The following CCDC149 variants were observed in gnomAD, a reference collection of about 807,000 sequenced individuals.
CCDC149 encodes the protein coiled-coil domain containing 149.
In CCDC149, 45 loss-of-function variants were observed where a neutral mutation model predicts 59.9. That is an observed-to-expected ratio of 0.75 (90% confidence interval 0.59 to 0.96). The LOEUF is 0.96. Among genes scored for constraint, CCDC149 ranks in the 40% least tolerant of loss-of-function variants. The probability of loss-of-function intolerance (pLI) is 0.00; values close to 1 mark genes in which losing one functional copy is unlikely to be tolerated. For synonymous variants in CCDC149, 245 were observed against 260.6 expected (o/e 0.94, Z 0.58); for missense variants, 584 against 664.7 (o/e 0.88, Z 1.33).
chr4:24,889,237 C>T (rs571454894), intron 1 of CCDC149, among the ~76,000 whole-genome samples: 15 of 152,308 alleles, frequency 9.8e-5, no homozygotes, highest in African/African-American at 3.6e-4. Context: ...ACTAACTATG[C>T]CCCTGTCCTT....
At chr4:24,885,067 G>A (rs1046822612) in intron 1 of CCDC149, among the ~76,000 whole-genome samples, 4 of 152,196 alleles carry the variant, frequency 2.6e-5, no homozygotes, top group African/African-American at 9.7e-5. Flanking sequence ...TCAGAACAGT[G>A]AGCGACGCCC....
intron 1 of CCDC149, among the ~76,000 whole-genome samples, chr4:24,927,079 G>A (rs984735498): frequency 6.6e-6 from 1 of 152,214 alleles, no homozygotes; most frequent in Non-Finnish European, 1.5e-5. Flanking sequence ...TCCCAAGCTT[G>A]TCTGGATTTG....
intron 1 of CCDC149, among the ~76,000 whole-genome samples, chr4:24,949,509 T>C (rs1332126902): frequency 6.6e-6 from 1 of 152,190 alleles, no homozygotes; most frequent in Non-Finnish European, 1.5e-5. Context: ...TATTTGTTTA[T>C]TCACTCATTC....
intron 1 of CCDC149, among the ~76,000 whole-genome samples, chr4:24,920,653 G>A (rs1321010959): frequency 1.3e-5 from 2 of 152,222 alleles, no homozygotes; most frequent in Non-Finnish European, 2.9e-5. Flanking sequence ...TGTATAGGAA[G>A]GGAAGGATTT....
chr4:24,917,350 C>A (rs558274867), upstream of CCDC149, among the ~76,000 whole-genome samples: 28 of 152,356 alleles, frequency 1.8e-4, no homozygotes, highest in African/African-American at 6.3e-4. Flanking sequence ...TGAACTGCCG[C>A]GCTCACAGTG....
intron 7 of CCDC149, among the ~76,000 whole-genome samples, 154 bp downstream of exon 7, chr4:24,836,282 T>G (rs568803668): frequency 6.6e-6 from 1 of 152,336 alleles, no homozygotes; most frequent in African/African-American, 2.4e-5. Flanking sequence ...GATTTTAATT[T>G]GTACTGGTTA....
chr4:24,976,679 C>T (rs1226152492), intron 1 of CCDC149, among the ~76,000 whole-genome samples: 1 of 152,196 alleles, frequency 6.6e-6, no homozygotes, highest in African/African-American at 2.4e-5. Context: ...TGCCACTGCA[C>T]TCCAGCCATC....
At chr4:24,955,573 G>A (rs999175545) in intron 1 of CCDC149, among the ~76,000 whole-genome samples, 7 of 152,136 alleles carry the variant, frequency 4.6e-5, no homozygotes, top group Non-Finnish European at 8.8e-5. Context: ...CAACATGGAT[G>A]AACCTTGAGA....
rs574514041 is a variant in CCDC149 at position 24,875,331 on chromosome 4, A to G, written c.225+1205T>C. On this transcript the variant is annotated intron_variant, in intron 2 of 12. Transcript: ENST00000635206. ...GGCCACAGAGCGAGAATCCGTCTCAAAAAAAAAAAAAAGACTGAGTTAAAT... is the reference window on the plus strand; with the variant it reads ...GGCCACAGAGCGAGAATCCGTCTCAGAAAAAAAAAAAAGACTGAGTTAAAT... Among the ~76,000 whole-genome samples the G allele has an allele frequency of 8.1e-5, 12 of 147,582 alleles. No homozygotes were observed. The South Asian group carries it at 2.5e-3, about 31-fold the overall frequency.
intron 2 of CCDC149, among the ~76,000 whole-genome samples, chr4:24,876,114 C>T (rs1719403690): frequency 6.6e-6 from 1 of 152,024 alleles, no homozygotes; most frequent in African/African-American, 2.4e-5. Context: ...CACTTAGGAG[C>T]TGGTTTGGCT....
intron 1 of CCDC149, among the ~76,000 whole-genome samples, chr4:24,950,467 C>T (rs1723252145): frequency 6.6e-6 from 1 of 152,162 alleles, no homozygotes; most frequent in Non-Finnish European, 1.5e-5. Flanking sequence ...AGTATGGACC[C>T]CAAATCGAGT....
intron 1 of CCDC149, among the ~76,000 whole-genome samples, chr4:24,905,205 C>T (rs1285553791): frequency 6.6e-6 from 1 of 151,710 alleles, no homozygotes; most frequent in African/African-American, 2.4e-5. Flanking sequence ...GGCCTTTCTT[C>T]TTACTGAGTA....
chr4:24,816,143 A>G (rs1413118830), intron 12 of CCDC149, among the ~76,000 whole-genome samples: 1 of 152,028 alleles, frequency 6.6e-6, no homozygotes, highest in African/African-American at 2.4e-5. Context: ...GCTGGAGTGC[A>G]GTGCCGCGAT....
rs1441783150 is a variant in CCDC149, at chr4:24,831,498, C to T, written c.965+8G>A. The T allele has an allele frequency of 6.2e-7, 1 of 1,613,398 alleles. No individual in the cohort carries two copies. The highest frequency in any genetic ancestry group is 8.5e-7 in the Non-Finnish European group (1 of 1,179,770). ...CCCACCCCCCAACACAAGAGTTTGG[C>T]CACCTACTTGTTGGTTTGCCTCTGG... On this transcript the variant is annotated splice_region_variant and intron_variant, in intron 9 of 12. Coordinates refer to ENST00000635206, the MANE Select transcript of CCDC149 (RefSeq NM_001330643.2).
At chr4:24,951,055 G>T (rs1723272777) in intron 1 of CCDC149, among the ~76,000 whole-genome samples, 2 of 152,236 alleles carry the variant, frequency 1.3e-5, no homozygotes, top group South Asian at 4.1e-4. Flanking sequence ...GGGGAGTGGG[G>T]AAGGGGGCCT....
At chr4:24,844,168 C>T (rs371606344) in intron 4 of CCDC149, among the ~76,000 whole-genome samples, 34 of 152,194 alleles carry the variant, frequency 2.2e-4, no homozygotes, top group Middle Eastern at 3.4e-3. Flanking sequence ...GAAATAATCG[C>T]GTTCATCTGC....
chr4:24,942,593 T>C (rs137945355), intron 1 of CCDC149, among the ~76,000 whole-genome samples: 1 of 151,980 alleles, frequency 6.6e-6, no homozygotes, highest in Non-Finnish European at 1.5e-5. Flanking sequence ...ATTAGGAAAA[T>C]AGGAAGTCGA....
At chr4:24,898,160 C>T (rs1182936023) in intron 1 of CCDC149, among the ~76,000 whole-genome samples, 1 of 152,148 alleles carries the variant, frequency 6.6e-6, no homozygotes, top group Non-Finnish European at 1.5e-5. Context: ...TCTCTGAAGC[C>T]CCGGGGAAGG....
At chr4:24,880,487 T>C (rs914210624) in intron 1 of CCDC149, among the ~76,000 whole-genome samples, 1 of 151,838 alleles carries the variant, frequency 6.6e-6, no homozygotes, top group Non-Finnish European at 1.5e-5. Context: ...GAGAAGGGAG[T>C]GTTGGAGAAT....
Sources: allele counts gnomAD v4.1 joint callset (sites outside exome capture counted in the v4.1 genomes callset), GRCh38; gene constraint gnomAD v4.1.1; transcripts MANE v1.5; gene names NCBI Gene and HGNC (gene_info 2026-07-23, HGNC 2026-07-21).